The following RCL1 variants were observed in gnomAD, a reference collection of about 807,000 sequenced individuals.
The protein encoded by RCL1 is RNA terminal phosphate cyclase like 1.
In RCL1, 24 loss-of-function variants were observed where a neutral mutation model predicts 42.4. That is an observed-to-expected ratio of 0.57 (90% CI 0.41 to 0.80). RCL1 has a LOEUF of 0.80. Among genes scored for constraint, RCL1 ranks in the 30% least tolerant of loss-of-function variants. The pLI is 0.00. For synonymous variants in RCL1, 228 were observed against 177.3 expected (o/e 1.29, Z -2.27); for missense variants, 578 against 467.9 (o/e 1.24, Z -2.17).
intron 5 of RCL1, among the ~76,000 whole-genome samples, chr9:4,840,170 C>T (rs780309003): frequency 4.6e-5 from 7 of 151,900 alleles, no homozygotes; most frequent in Admixed American, 6.6e-5. Context: ...GGTCATGTAT[C>T]GTCTCTGAGC....
At chr9:4,839,684 C>A in intron 5 of RCL1, 1 of 985,260 alleles carries the variant, frequency 1.0e-6, no homozygotes, top group Non-Finnish European at 1.2e-6. Flanking sequence ...TTGCTCTTTC[C>A]TCATTTCAGG....
At chr9:4,847,168 T>C (rs3824430) in intron 7 of RCL1, among the ~76,000 whole-genome samples, 29,511 of 152,142 alleles carry the variant, frequency 0.19, 3,326 homozygotes, top group East Asian at 0.54. Context: ...CGTGAGCCAC[T>C]GTGCCTGGCA....
At chr9:4,825,923 C>A (rs922320667) in intron 2 of RCL1, among the ~76,000 whole-genome samples, 1 of 151,246 alleles carries the variant, frequency 6.6e-6, no homozygotes, top group Non-Finnish European at 1.5e-5. Flanking sequence ...ATAGTGAGAC[C>A]CTTTCTCAAA....
At chr9:4,826,829 G>A (rs2131004134) in intron 2 of RCL1, 29 bp from the exon 3 acceptor site, 1 of 1,574,332 alleles carries the variant, frequency 6.4e-7, no homozygotes, top group Non-Finnish European at 8.6e-7. Context: ...TTTTCCTGCT[G>A]AATGTGGCTC....
chr9:4,838,587 TAC>T (rs4008477), intron 5 of RCL1, among the ~76,000 whole-genome samples: 139,429 of 152,178 alleles, frequency 0.92, 64,049 homozygotes, highest in East Asian at 1. Flanking sequence ...TACTGTAACA[TAC>T]ACACACACAC....
intron 7 of RCL1, among the ~76,000 whole-genome samples, chr9:4,847,831 T>A (rs1817573430): frequency 6.6e-6 from 1 of 152,238 alleles, no homozygotes; most frequent in South Asian, 2.1e-4. Context: ...TGGCCATTCC[T>A]TGCTGGCCCT....
rs1387188513 is a variant in RCL1 at position 4,834,445 on chromosome 9, A to C, written c.584+180A>C. Among the ~76,000 whole-genome samples the C allele has an allele frequency of 2.7e-5, 4 of 149,444 alleles. No homozygotes were observed. The East Asian group carries it at 7.8e-4, about 29-fold the overall frequency. The stretch of plus-strand genomic sequence containing the variant: ...GTTAGGATGTTCTGTTATCTGCCTC[A>C]CCATGACTAGATTGATTGAGTCATT... On this transcript the variant is annotated intron_variant, in intron 5 of 8. Transcript: ENST00000381750.
At chr9:4,820,782 A>G (rs1318273579) in intron 1 of RCL1, among the ~76,000 whole-genome samples, 1 of 152,188 alleles carries the variant, frequency 6.6e-6, no homozygotes, top group Non-Finnish European at 1.5e-5. Context: ...CCTGATTTGT[A>G]AAGAATGTTA....
rs1261050631 is a variant in RCL1 at position 4,834,231 on chromosome 9, G to A, written c.550G>A (p.Asp184Asn). ...RKVLKPIQLT[D>N]PGKIKRIRGM... The stretch of plus-strand genomic sequence containing the variant: ...GGTCTTGAAGCCCATTCAACTCACA[G>A]ATCCAGGAAAAATCAAACGTATTAG... The change falls in exon 5 of 9, where the codon GAT becomes AAT. Residue 184 changes from aspartate (D) to asparagine (N), a missense_variant. Physicochemically the swap from Asp to Asn is conservative, Grantham distance 23. Transcript: ENST00000381750. The A allele has an allele frequency of 5.0e-6, 8 of 1,613,340 alleles. No individual in the cohort carries two copies. Among genetic ancestry groups the A allele is most frequent in the Non-Finnish European group, 1.7e-6 (2 of 1,179,662 alleles).
intron 7 of RCL1, among the ~76,000 whole-genome samples, chr9:4,848,533 T>C (rs1276272061): frequency 2.6e-5 from 4 of 152,260 alleles, no homozygotes; most frequent in Non-Finnish European, 5.9e-5. Context: ...TAACGTGCCT[T>C]GGTCAGACTG....
At chr9:4,854,431 C>T (rs1319980664) in intron 8 of RCL1, among the ~76,000 whole-genome samples, 1 of 152,212 alleles carries the variant, frequency 6.6e-6, no homozygotes, top group African/African-American at 2.4e-5. Flanking sequence ...ACTTCCAGAG[C>T]ATGTCCTTAC....
chr9:4,829,535 G>T lies in RCL1; in HGVS notation c.384+2502G>T, dbSNP rs530868249. ...CTAACCATATAAGGATTTCCAGTTG[G>T]CAGTTAGAAATTATTGTCTGGAGCC... On this transcript the variant is annotated intron_variant, in intron 3 of 8. Transcript: ENST00000381750. Among the ~76,000 whole-genome samples, 7 of 152,278 alleles carry T rather than the reference G, an allele frequency of 4.6e-5. No homozygotes were observed. The South Asian group carries it at 1.5e-3, about 32-fold the overall frequency.
intron 8 of RCL1, among the ~76,000 whole-genome samples, chr9:4,853,039 A>G (rs1175025680): frequency 3.3e-5 from 5 of 152,150 alleles, no homozygotes; most frequent in Non-Finnish European, 7.4e-5. Flanking sequence ...AACTACACAC[A>G]TCTTATTGAT....
At chr9:4,823,505 C>G (rs766577796) in intron 1 of RCL1, 43 bp from the exon 2 acceptor site, 2 of 1,467,458 alleles carry the variant, frequency 1.4e-6, no homozygotes, top group Non-Finnish European at 1.9e-6. Context: ...GACATGAGGA[C>G]AGTCTGTCTT....
At chr9:4,813,164 A>C (rs1816240182) in intron 1 of RCL1, among the ~76,000 whole-genome samples, 1 of 152,180 alleles carries the variant, frequency 6.6e-6, no homozygotes, top group South Asian at 2.1e-4. Context: ...TCTTAGAGGA[A>C]AAGCTTTAAA....
At chr9:4,816,217 T>G (rs1041866462) in intron 1 of RCL1, among the ~76,000 whole-genome samples, 45 of 152,216 alleles carry the variant, frequency 3.0e-4, no homozygotes, top group Non-Finnish European at 7.3e-5. Context: ...ATTTAATTGT[T>G]GATTCATTGG....
At chr9:4,857,116 C>T (rs759321049) in intron 8 of RCL1, among the ~76,000 whole-genome samples, 3 of 152,204 alleles carry the variant, frequency 2.0e-5, no homozygotes, top group Non-Finnish European at 4.4e-5. Flanking sequence ...ACATATGACA[C>T]AATTTACCCA....
intron 6 of RCL1, among the ~76,000 whole-genome samples, chr9:4,842,637 AC>A (rs1817371105): frequency 6.6e-6 from 1 of 152,238 alleles, no homozygotes; most frequent in African/African-American, 2.4e-5. Flanking sequence ...TGTAAAGATC[AC>A]ACATATAAGC....
At chr9:4,825,078 ATT>A (rs765222407) in intron 2 of RCL1, among the ~76,000 whole-genome samples, 16 of 135,826 alleles carry the variant, frequency 1.2e-4, no homozygotes, top group Admixed American at 2.2e-4. Context: ...TACCTGGCTC[ATT>A]TTTTTTTTTT....
Sources: gnomAD v4.1 joint callset for allele counts (sites outside exome capture counted in the v4.1 genomes callset) on GRCh38, gnomAD v4.1.1 for gene constraint, MANE v1.5 for transcripts, NCBI Gene and HGNC (gene_info 2026-07-23, HGNC 2026-07-21) for gene names.